Variants in ZBTB4 observed in about 807,000 individuals in gnomAD.
ZBTB4 encodes the protein zinc finger and BTB domain-containing protein 4.
A neutral mutation model predicts 59.8 loss-of-function variants in ZBTB4; 14 were observed. That is an observed-to-expected ratio of 0.23 (90% CI 0.15 to 0.37). The LOEUF is 0.37. ZBTB4 is among the 10% of genes least tolerant of loss of function. The pLI, the probability that ZBTB4 is intolerant of heterozygous loss-of-function variation, is 1.00. For missense variants in ZBTB4, 1,198 were observed against 1,380.8 expected, an observed-to-expected ratio of 0.87 and a Z score of 2.10; for synonymous variants, 587 against 575.2, an observed-to-expected ratio of 1.02 and a Z score of -0.29.
rs765837735 is a variant in ZBTB4 at position 7,463,212 on chromosome 17, C to G, written c.1770G>C (p.Arg590=). 6.2e-7 allele frequency: 1 copy of G among 1,609,352 alleles called. No homozygotes were observed. Among genetic ancestry groups the G allele is most frequent in the South Asian group, 1.1e-5 (1 of 90,522 alleles). The part of the protein sequence containing the change: ...GGGGPPTGAG[R]GPSQLQAPPP... The stretch of plus-strand genomic sequence containing the variant: ...GTGGAGCCTGCAGCTGAGAGGGGCC[C>G]CGGCCAGCCCCTGTGGGGGGACCCC... Residue 590 remains arginine (R), a synonymous_variant, in exon 4 of 4, where the codon CGG becomes CGC. Transcript: ENST00000380599.
At position 7,463,094 on chromosome 17, in the gene ZBTB4, C is replaced by T. The variant is rs559035663; in HGVS notation, c.1888G>A (p.Gly630Arg). 1.7e-5 allele frequency: 28 copies of T among 1,610,558 alleles called. No homozygotes were observed. The highest frequency in any genetic ancestry group is 9.3e-5 in the African/African-American group (7 of 75,068). The change falls in exon 4 of 4, where the codon GGA becomes AGA. Residue 630 changes from glycine to arginine, a missense_variant. Physicochemically the swap from Gly to Arg is moderately radical, Grantham distance 125 (BLOSUM62 -2). Around this residue, in one of 9 missense-constraint regions of ZBTB4, gnomAD observed 550 missense variants for 541.8 expected, o/e 1.02. Coordinates refer to ENST00000380599, the MANE Select transcript of ZBTB4 (RefSeq NM_001128833.2). The stretch of plus-strand genomic sequence containing the variant: ...TCCTCACTCTCCTCCATCTCCTCTC[C>T]GCTCAGCTCCCCAGGACGCAGGTCA... ...ETDLRPGELS[G>R]EEMEESEEDE...
rs763397132 is a variant in ZBTB4, at chr17:7,462,418, C to G, written c.2564G>C (p.Gly855Ala). 6.2e-7 allele frequency: 1 copy of G among 1,613,948 alleles called. No individual in the cohort carries two copies. The highest frequency in any genetic ancestry group is 1.1e-5 in the South Asian group (1 of 91,080). The change falls in exon 4 of 4, where the codon GGT becomes GCT. Residue 855 changes from glycine to alanine, a missense_variant. Physicochemically the swap from Gly to Ala is moderately conservative, Grantham distance 60. This residue lies in a region of ZBTB4 where 211 missense variants were observed against 236.1 expected (regional missense o/e 0.89). Transcript: ENST00000380599. The surrounding 1 kb of genome is among the most constrained non-coding windows in gnomAD (Gnocchi z 7.5). Reference sequence around the variant, plus strand: ...GCTTGCCACTACTGGGGGCTCCTCACCCCCTGAAATGATAGGGTCCTGGAG... The same window carrying G: ...GCTTGCCACTACTGGGGGCTCCTCAGCCCCTGAAATGATAGGGTCCTGGAG... Reference protein sequence around the residue: ...ASLQDPIISGGEEPPVVASGG... With the variant: ...ASLQDPIISGAEEPPVVASGG...
Position 7,460,912 on chromosome 17 carries a change from A to C in ZBTB4, c.*1028T>G, listed in dbSNP as rs889878948. On this transcript the variant is annotated 3_prime_UTR_variant, in exon 4 of 4. Transcript: ENST00000380599. ...AGTGACACTGGGGAGATGGGAATAC[A>C]GGTAAGGATGGAAGGTCATGTGCAA... 7 of 152,766 alleles carry C rather than the reference A, an allele frequency of 4.6e-5. No individual in the cohort carries two copies. The highest frequency in any genetic ancestry group is 1.7e-4 in the African/African-American group (7 of 41,548). 9.5% of individuals were successfully genotyped at this position (152,766 alleles called of 1,614,324 possible). A position where few individuals can be genotyped will look rare whatever the true frequency, so the allele number is the denominator to read the frequency against.
chr17:7,473,386 A>G (rs1374373429), intron 1 of ZBTB4, among the ~76,000 whole-genome samples: 1 of 151,872 alleles, frequency 6.6e-6, no homozygotes, highest in Non-Finnish European at 1.5e-5. Context: ...AAGTGCAGGG[A>G]TTACAGGCAT....
upstream of ZBTB4, among the ~76,000 whole-genome samples, chr17:7,480,725 A>T (rs2070333966): frequency 6.6e-6 from 1 of 152,012 alleles, no homozygotes; most frequent in Non-Finnish European, 1.5e-5. Context: ...GTCTCAAAAA[A>T]AAAACAACAA....
At chr17:7,477,202 GAC>G (rs2070280214) in intron 1 of ZBTB4, among the ~76,000 whole-genome samples, 2 of 152,180 alleles carry the variant, frequency 1.3e-5, no homozygotes, top group African/African-American at 4.8e-5. Context: ...GGGGAGGGCT[GAC>G]AGGGGCTGGC....
rs1281827816 is a variant in ZBTB4, at chr17:7,463,038, C to T, written c.1944G>A (p.Glu648=). ...EDEEEEDEEE[E]EEDEEESKAG... ...CCTTTGATTCCTCCTCATCCTCCTC[C>T]TCCTCCTCTTCGTCCTCCTCCTCTT... Residue 648 remains glutamate (E), a synonymous_variant, in exon 4 of 4, where the codon GAG becomes GAA. Coordinates refer to ENST00000380599, the MANE Select transcript of ZBTB4 (RefSeq NM_001128833.2). The T allele has an allele frequency of 6.2e-7, 1 of 1,609,464 alleles. No individual in the cohort carries two copies. The highest frequency in any genetic ancestry group is 8.5e-7 in the Non-Finnish European group (1 of 1,178,294).
chr17:7,462,406 G>C lies in ZBTB4; in HGVS notation c.2576C>G (p.Pro859Arg). The C allele has an allele frequency of 6.2e-7, 1 of 1,613,850 alleles. No individual in the cohort carries two copies. Among genetic ancestry groups the C allele is most frequent in the Non-Finnish European group, 8.5e-7 (1 of 1,179,998 alleles). ...DPIISGGEEP[P>R]VVASGGSYVY... is the part of the protein sequence containing the mutation. ...ATAGCTGCCCCCGCTTGCCACTACT[G>C]GGGGCTCCTCACCCCCTGAAATGAT... Residue 859 changes from proline to arginine, a missense_variant, in exon 4 of 4, where the codon CCA becomes CGA. Coordinates refer to ENST00000380599, the MANE Select transcript of ZBTB4 (RefSeq NM_001128833.2). This position sits in a 1 kb window ranked among gnomAD's most constrained non-coding sequence, Gnocchi z 7.5.
chr17:7,476,869 C>A (rs66616380), intron 1 of ZBTB4, among the ~76,000 whole-genome samples: 29,757 of 152,130 alleles, frequency 0.2, 3,071 homozygotes, highest in South Asian at 0.28. Flanking sequence ...GGGAGTTGCA[C>A]AGAAAGGACC....
At chr17:7,474,981 C>T (rs1331801247) in intron 1 of ZBTB4, among the ~76,000 whole-genome samples, 2 of 134,506 alleles carry the variant, frequency 1.5e-5, no homozygotes, top group Non-Finnish European at 3.1e-5. Context: ...CACTGCATTC[C>T]AGCCTGGGCG....
Position 7,463,520 on chromosome 17 carries a change from T to C in ZBTB4, c.1462A>G (p.Ser488Gly). 1.3e-6 allele frequency: 2 copies of C among 1,572,228 alleles called. No homozygotes were observed. Among genetic ancestry groups the C allele is most frequent in the South Asian group, 1.2e-5 (1 of 84,346 alleles). ...GTCCCACTCCCCCCTCCACCACTGC[T>C]ACTGCCCCCATGGACAATGACAGAG... ...APSVIVHGGS[S>G]SGGGGSGTAS... The change falls in exon 4 of 4, where the codon AGC becomes GGC. Residue 488 changes from serine to glycine, a missense_variant. By Grantham distance (56) the Ser-to-Gly change is moderately conservative. Around this residue, in one of 9 missense-constraint regions of ZBTB4, gnomAD observed 550 missense variants for 541.8 expected, o/e 1.02. Coordinates refer to ENST00000380599, the MANE Select transcript of ZBTB4 (RefSeq NM_001128833.2).
rs746777099 is a variant in ZBTB4 at position 7,463,028 on chromosome 17, C to T, written c.1954G>A (p.Glu652Lys). Residue 652 changes from glutamate to lysine, a missense_variant, in exon 4 of 4, where the codon GAG (glutamate) becomes AAG (lysine). By Grantham distance (56) the Glu-to-Lys change is moderately conservative. Transcript: ENST00000380599. ...TCCCCACCAGCCTTTGATTCCTCCT[C>T]ATCCTCCTCCTCCTCCTCTTCGTCC... ...EEDEEEEEED[E>K]EESKAGGEDQ... The T allele has an allele frequency of 5.7e-6, 9 of 1,566,424 alleles. No homozygotes were observed. The highest frequency in any genetic ancestry group is 1.9e-5 in the Admixed American group (1 of 52,424).
chr17:7,466,456 A>T lies in ZBTB4; in HGVS notation c.346T>A (p.Ser116Thr). 1 of 1,611,844 alleles carries T rather than the reference A, an allele frequency of 6.2e-7. No homozygotes were observed. The highest frequency in any genetic ancestry group is 8.5e-7 in the Non-Finnish European group (1 of 1,179,280). Residue 116 changes from serine to threonine, a missense_variant, in exon 3 of 4, where the codon TCT becomes ACT. Physicochemically the swap from Ser to Thr is moderately conservative, Grantham distance 58 (BLOSUM62 1). Around this residue, in one of 9 missense-constraint regions of ZBTB4, gnomAD observed 83 missense variants for 76.5 expected, o/e 1.09. Transcript: ENST00000380599. The surrounding 1 kb of genome is among the most constrained non-coding windows in gnomAD (Gnocchi z 9.1). ...CGGGGTGGGGAAGAAGCAGGGGGAG[A>T]GGCTGGAGGGGGAGAGGAAGAGGAA... ...SSSSSSPPPA[S>T]PPASSPPRVL... is the part of the protein sequence containing the mutation.
At chr17:7,472,253 C>T (rs1029498280) in intron 1 of ZBTB4, among the ~76,000 whole-genome samples, 10 of 151,694 alleles carry the variant, frequency 6.6e-5, no homozygotes, top group Admixed American at 2.0e-4. Context: ...TGCAGTGGTG[C>T]GATCTGGGCT....
chr17:7,461,867 G>C lies in ZBTB4; in HGVS notation c.*73C>G. On this transcript the variant is annotated 3_prime_UTR_variant, in exon 4 of 4. Transcript: ENST00000380599. The stretch of plus-strand genomic sequence containing the variant: ...TGAAGGGGCTCCCAAGGGGCAGGGA[G>C]GCCAGGGAGCTGGTAGTGGTGGGGG... The C allele has an allele frequency of 1.5e-6, 2 of 1,372,722 alleles. No homozygotes were observed. Among genetic ancestry groups the C allele is most frequent in the Non-Finnish European group, 2.0e-6 (2 of 1,008,490 alleles). The allele number at this position is 1,372,722 out of a possible 1,614,324, so 85.0% of individuals were successfully genotyped here.
At chr17:7,472,462 TAC>T (rs1336046785) in intron 1 of ZBTB4, among the ~76,000 whole-genome samples, 1 of 151,296 alleles carries the variant, frequency 6.6e-6, no homozygotes, top group Non-Finnish European at 1.5e-5. Context: ...GGGCTGGGAT[TAC>T]AGGCATGAGC....
At chr17:7,481,534 C>A, upstream of ZBTB4, 1 of 1,549,906 alleles carries the variant, frequency 6.5e-7, no homozygotes, top group Non-Finnish European at 8.7e-7. Context: ...GTGTGGGGGC[C>A]AGGGGCCTAG....
At position 7,466,954 on chromosome 17, in the gene ZBTB4, G is replaced by T. The variant is rs542823690; in HGVS notation, c.-9-144C>A. 5.0e-6 allele frequency: 7 copies of T among 1,399,448 alleles called. No individual in the cohort carries two copies. The highest frequency in any genetic ancestry group is 1.4e-5 in the African/African-American group (1 of 69,066). 86.7% of individuals were successfully genotyped at this position (1,399,448 alleles called of 1,614,324 possible). ...ATCACTTCTGGTCACAGAAGTCAGG[G>T]GTTGGCCCTTAGCCACCCAAGTCTG... On this transcript the variant is annotated intron_variant, in intron 2 of 3. Coordinates refer to ENST00000380599, the MANE Select transcript of ZBTB4 (RefSeq NM_001128833.2). The surrounding 1 kb of genome is among the most constrained non-coding windows in gnomAD (Gnocchi z 9.1).
Position 7,461,230 on chromosome 17 carries a change from A to C in ZBTB4, c.*710T>G, listed in dbSNP as rs1384143874. The C allele has an allele frequency of 1.3e-5, 2 of 152,710 alleles. No homozygotes were observed. The highest frequency in any genetic ancestry group is 2.4e-5 in the African/African-American group (1 of 41,464). 9.5% of individuals were successfully genotyped at this position (152,710 alleles called of 1,614,324 possible). ...CCTGCCCTGGACTGGGAAAGTGCTC[A>C]GCCACAGAACAGAGGGGCAGAGGGG... On this transcript the variant is annotated 3_prime_UTR_variant, in exon 4 of 4. Coordinates refer to ENST00000380599, the MANE Select transcript of ZBTB4 (RefSeq NM_001128833.2).
Sources: gnomAD v4.1 joint callset for allele counts (sites outside exome capture counted in the v4.1 genomes callset) on GRCh38, gnomAD v4.1.1 for gene constraint, gnomAD v4.1.1 regional missense constraint, Gnocchi (gnomAD v3.1) non-coding constraint, MANE v1.5 for transcripts, NCBI Gene and HGNC (gene_info 2026-07-23, HGNC 2026-07-21) for gene names.